Variants in ZNF577 observed in about 807,000 individuals in gnomAD.
The protein encoded by ZNF577 is zinc finger protein 577.
A neutral mutation model predicts 13.9 loss-of-function variants in ZNF577; 14 were observed. The observed-to-expected ratio is 1.00, with a 90% CI of 0.66 to 1.57. The LOEUF (loss-of-function observed/expected upper bound fraction) is 1.57, where lower values mean the gene tolerates loss of function less well. Ranked by LOEUF, ZNF577 falls within the 40% of genes most tolerant of loss-of-function variation. The pLI, the probability that ZNF577 is intolerant of heterozygous loss-of-function variation, is 0.00. For missense variants in ZNF577, 555 were observed against 579.2 expected (o/e 0.96, Z 0.43); for synonymous variants, 203 against 202.9 (o/e 1.00, Z 0.00).
At chr19:51,838,536 T>TA (rs1035250835) in intron 9 of ZNF577, among the ~76,000 whole-genome samples, 1 of 148,322 alleles carries the variant, frequency 6.7e-6, no homozygotes, top group African/African-American at 2.4e-5. Flanking sequence ...ATAAGAGGGT[T>TA]AAAAAAAGAA....
chr19:51,810,472 G>A (rs908187457), intron 10 of ZNF577, among the ~76,000 whole-genome samples: 2 of 152,016 alleles, frequency 1.3e-5, no homozygotes, highest in South Asian at 2.1e-4. Context: ...CAGGAATTGC[G>A]GCCCAGGTGC....
chr19:51,835,088 TAAATG>T (rs746012743), intron 9 of ZNF577, among the ~76,000 whole-genome samples: 39 of 151,778 alleles, frequency 2.6e-4, no homozygotes, highest in Non-Finnish European at 2.2e-4. Flanking sequence ...AAAGTGGAAA[TAAATG>T]AAATAGAGAT....
rs12979524 is a variant in ZNF577 at position 51,857,361 on chromosome 19, G to A, written c.284-12430C>T. Among the ~76,000 whole-genome samples, 173 of 69,134 alleles carry A rather than the reference G, an allele frequency of 2.5e-3. 5 individuals are homozygous for A. Among genetic ancestry groups the A allele is most frequent in the African/African-American group, 9.3e-3 (163 of 17,466 alleles). The allele number at this position is 69,134 out of a possible 152,430, so 45.4% of individuals were successfully genotyped here. ...GAGAAAGAAAGAGAGAAAGAAAGAAGGAAGGAAAGAAAGAAAGAAAGAAAG... is the reference window on the plus strand; with the variant it reads ...GAGAAAGAAAGAGAGAAAGAAAGAAAGAAGGAAAGAAAGAAAGAAAGAAAG... On this transcript the variant is annotated intron_variant and NMD_transcript_variant, in intron 5 of 10. Coordinates refer to the ZNF577 transcript ENST00000638827.
chr19:51,865,178 C>T (rs955263865), downstream of ZNF577, among the ~76,000 whole-genome samples: 13 of 152,164 alleles, frequency 8.5e-5, no homozygotes, highest in African/African-American at 3.1e-4. Flanking sequence ...CTCACTGCAA[C>T]CTTCGCCTCT....
At chr19:51,810,330 A>C (rs1236721350) in intron 10 of ZNF577, among the ~76,000 whole-genome samples, 1 of 152,222 alleles carries the variant, frequency 6.6e-6, no homozygotes, top group Non-Finnish European at 1.5e-5. Flanking sequence ...GCTAGAGTTA[A>C]GGTTAGCATT....
intron 5 of ZNF577, among the ~76,000 whole-genome samples, chr19:51,855,417 A>G (rs1246237006): frequency 7.3e-6 from 1 of 137,192 alleles, no homozygotes; most frequent in Non-Finnish European, 1.5e-5. Flanking sequence ...GTCTACTTCA[A>G]TGCTCAAGCA....
rs181372745 is a variant in ZNF577 at position 51,853,598 on chromosome 19, C to T, written c.284-8667G>A. Among the ~76,000 whole-genome samples, 432 of 152,252 alleles carry T rather than the reference C, an allele frequency of 2.8e-3. 2 individuals carry two copies. The highest frequency in any genetic ancestry group is 9.4e-3 in the African/African-American group (390 of 41,546). ...TCAGCTTCAAGAACAGGTAACTGTA[C>T]GGGAGTCTATGTAGTAGAGCCTGGT... On this transcript the variant is annotated intron_variant and NMD_transcript_variant, in intron 5 of 10. Coordinates refer to the ZNF577 transcript ENST00000638827.
At chr19:51,820,374 A>C (rs2084179354) in intron 9 of ZNF577, among the ~76,000 whole-genome samples, 1 of 152,230 alleles carries the variant, frequency 6.6e-6, no homozygotes, top group Admixed American at 6.5e-5. Context: ...GTCCCAGAGC[A>C]AGGATGTTGT....
chr19:51,844,542 C>T (rs2084339838), intron 6 of ZNF577, among the ~76,000 whole-genome samples: 2 of 152,214 alleles, frequency 1.3e-5, no homozygotes, highest in African/African-American at 4.8e-5. Flanking sequence ...GATCCTGCTA[C>T]TTATATGGCA....
intron 9 of ZNF577, among the ~76,000 whole-genome samples, chr19:51,831,964 C>T (rs4802876): frequency 0.42 from 64,335 of 151,984 alleles, 13,776 homozygotes; most frequent in South Asian, 0.58. Flanking sequence ...CTCCTCAGAA[C>T]ATTTTTTTCT....
At chr19:51,823,376 G>A (rs186021836) in intron 9 of ZNF577, among the ~76,000 whole-genome samples, 123 of 152,260 alleles carry the variant, frequency 8.1e-4, no homozygotes, top group African/African-American at 2.8e-3. Flanking sequence ...AGTGATGGAG[G>A]CCACAGATGT....
intron 10 of ZNF577, among the ~76,000 whole-genome samples, chr19:51,807,005 C>A (rs2084063529): frequency 6.6e-6 from 1 of 152,230 alleles, no homozygotes; most frequent in Non-Finnish European, 1.5e-5. Flanking sequence ...CATTTAAAGT[C>A]TGTAACCTGT....
intron 9 of ZNF577, among the ~76,000 whole-genome samples, chr19:51,832,557 A>G (rs1428244357): frequency 6.6e-6 from 1 of 152,000 alleles, no homozygotes; most frequent in Non-Finnish European, 1.5e-5. Context: ...TATGAAGTCC[A>G]ACTTATTCCT....
intron 5 of ZNF577, among the ~76,000 whole-genome samples, chr19:51,851,297 G>T (rs187748103): frequency 1.3e-5 from 2 of 152,128 alleles, no homozygotes; most frequent in Admixed American, 6.5e-5. Flanking sequence ...GCTGAAACTT[G>T]TAAGAGTCTG....
At chr19:51,835,750 TGGCACGATCTC>T (rs1349170142) in intron 9 of ZNF577, among the ~76,000 whole-genome samples, 2 of 152,184 alleles carry the variant, frequency 1.3e-5, no homozygotes, top group Non-Finnish European at 2.9e-5. Flanking sequence ...TGGAGTGCAA[TGGCACGATCTC>T]GGCTCACTGC....
At chr19:51,878,368 T>C (rs1250278041) in intron 4 of ZNF577, 21 bp downstream of exon 4, 2 of 1,611,018 alleles carry the variant, frequency 1.2e-6, no homozygotes, top group South Asian at 1.1e-5. Context: ...AAAAGGTAAG[T>C]GACGGCAATG....
At chr19:51,816,141 G>A (rs977567284) in intron 9 of ZNF577, among the ~76,000 whole-genome samples, 1 of 152,070 alleles carries the variant, frequency 6.6e-6, no homozygotes, top group Admixed American at 6.5e-5. Flanking sequence ...GGTGCCGGAA[G>A]GCTGAGTGCC....
At chr19:51,860,968 G>T in intron 5 of ZNF577, 1 of 433,560 alleles carries the variant, frequency 2.3e-6, no homozygotes, top group Non-Finnish European at 4.6e-6. Flanking sequence ...TCCTTCTCCT[G>T]AATGAATACC....
At chr19:51,879,611 A>G (rs535876912) in intron 3 of ZNF577, among the ~76,000 whole-genome samples, 2 of 149,324 alleles carry the variant, frequency 1.3e-5, no homozygotes, top group Middle Eastern at 3.5e-3. Context: ...TTACATATGT[A>G]TAAGTATACA....
Sources: allele counts gnomAD v4.1 joint callset (sites outside exome capture counted in the v4.1 genomes callset), GRCh38; gene constraint gnomAD v4.1.1; transcripts MANE v1.5; gene names NCBI Gene and HGNC (gene_info 2026-07-23, HGNC 2026-07-21).